The following PDE10A variants were observed in gnomAD, a reference collection of about 807,000 sequenced individuals.
PDE10A encodes phosphodiesterase 10A.
A neutral mutation model predicts 97.7 loss-of-function variants in PDE10A; 39 were observed. The ratio of observed to expected loss-of-function variants is 0.40; its 90% confidence interval spans 0.31 to 0.52. PDE10A has a LOEUF of 0.52. Ranked by LOEUF, PDE10A falls within the 20% of genes least tolerant of loss-of-function variation. The probability of loss-of-function intolerance (pLI) is 0.56; values close to 1 mark genes in which losing one functional copy is unlikely to be tolerated. For synonymous variants in PDE10A, 371 were observed against 376.8 expected (o/e 0.98, Z 0.18); for missense variants, 731 against 1,047.8 (o/e 0.70, Z 4.17).
chr6:165,760,188 G>T (rs886068984), intron 1 of PDE10A, among the ~76,000 whole-genome samples: 1 of 152,198 alleles, frequency 6.6e-6, no homozygotes, highest in African/African-American at 2.4e-5. Context: ...AGTTGATACA[G>T]CAAAAGTACA....
At chr6:165,657,211 A>G (rs1790010721) in intron 1 of PDE10A, among the ~76,000 whole-genome samples, 1 of 152,212 alleles carries the variant, frequency 6.6e-6, no homozygotes, top group South Asian at 2.1e-4. Context: ...TAAGTGAGCA[A>G]GATAATTTCA....
At chr6:165,458,850 A>G (rs1778122326) in intron 3 of PDE10A, among the ~76,000 whole-genome samples, 1 of 152,104 alleles carries the variant, frequency 6.6e-6, no homozygotes, top group Middle Eastern at 3.2e-3. Flanking sequence ...TTCTACAGCA[A>G]TATTAGCTAA....
intron 1 of PDE10A, among the ~76,000 whole-genome samples, chr6:165,598,075 T>C (rs571135350): frequency 6.6e-6 from 1 of 152,262 alleles, no homozygotes; most frequent in African/African-American, 2.4e-5. Context: ...CACTCACAAC[T>C]CTAATTTTAA....
intron 1 of PDE10A, among the ~76,000 whole-genome samples, chr6:165,623,264 T>C (rs1788231030): frequency 6.6e-6 from 1 of 152,158 alleles, no homozygotes; most frequent in African/African-American, 2.4e-5. Flanking sequence ...TAGCTGGGAT[T>C]ACAGGCACCG....
intron 20 of PDE10A, 151 bp from the exon 21 acceptor site, chr6:165,336,362 T>C: frequency 4.7e-6 from 3 of 639,070 alleles, no homozygotes; most frequent in Middle Eastern, 2.6e-4. Context: ...CTGGGTTCCA[T>C]GAATACTATT....
intron 20 of PDE10A, among the ~76,000 whole-genome samples, chr6:165,336,642 G>A (rs1036561642): frequency 4.6e-5 from 7 of 151,972 alleles, no homozygotes; most frequent in East Asian, 1.9e-4. Flanking sequence ...CCAGCTACTC[G>A]GGAGGCTGAG....
rs1790247947 is a variant in PDE10A at position 165,661,377 on chromosome 6, G to A, written c.865+570C>T. The A allele has an allele frequency of 6.6e-6, 1 of 152,320 alleles. No individual in the cohort carries two copies. The highest frequency in any genetic ancestry group is 2.4e-5 in the African/African-American group (1 of 41,434). The allele number at this position is 152,320 out of a possible 1,614,324, so 9.4% of individuals were successfully genotyped here. A position where few individuals can be genotyped will look rare whatever the true frequency, so the allele number is the denominator to read the frequency against. On this transcript the variant is annotated intron_variant, in intron 1 of 21. Transcript: ENST00000539869. This position sits in a 1 kb window ranked among gnomAD's most constrained non-coding sequence, Gnocchi z 4.8. ...TTCCACCCCGCCAGTCCATGCTCTG[G>A]ATGCCGGTCACTGCGCGGGGTGGGA...
chr6:165,364,690 A>C (rs1445853720), intron 18 of PDE10A, among the ~76,000 whole-genome samples: 1 of 152,070 alleles, frequency 6.6e-6, no homozygotes, highest in African/African-American at 2.4e-5. Context: ...TTGCTTTAAC[A>C]ATCATCTTTT....
chr6:165,718,629 T>C (rs1792086032), intron 1 of PDE10A, among the ~76,000 whole-genome samples: 1 of 152,004 alleles, frequency 6.6e-6, no homozygotes. Flanking sequence ...TGTGTGTATA[T>C]ACCCGAACCC....
intron 1 of PDE10A, among the ~76,000 whole-genome samples, chr6:165,927,107 T>C (rs1782961479): frequency 2.0e-5 from 3 of 152,126 alleles, no homozygotes; most frequent in African/African-American, 7.2e-5. Flanking sequence ...GGGATAGCAT[T>C]AGGAGAAATA....
At chr6:165,510,739 C>T (rs1718415863) in intron 2 of PDE10A, among the ~76,000 whole-genome samples, 2 of 151,990 alleles carry the variant, frequency 1.3e-5, no homozygotes. Flanking sequence ...CTATTTCTTC[C>T]TGATTCAATC....
chr6:165,963,720 C>T (rs1446627397), intron 1 of PDE10A, among the ~76,000 whole-genome samples: 1 of 152,266 alleles, frequency 6.6e-6, no homozygotes, highest in Non-Finnish European at 1.5e-5. Flanking sequence ...ACTCCTTCCT[C>T]TCTTGACCCC....
chr6:165,965,794 T>G (rs697467), intron 1 of PDE10A, among the ~76,000 whole-genome samples: 105,265 of 152,110 alleles, frequency 0.69, 36,768 homozygotes, highest in East Asian at 0.88. Context: ...CAAGGTAATA[T>G]GTAGCTGGGG....
intron 1 of PDE10A, among the ~76,000 whole-genome samples, chr6:165,962,372 C>T (rs562419184): frequency 1.3e-5 from 2 of 152,348 alleles, no homozygotes; most frequent in South Asian, 4.1e-4. Context: ...TCCAGCCTGG[C>T]TGCCTGATTG....
chr6:165,354,030 C>T (rs1280680376), intron 18 of PDE10A, among the ~76,000 whole-genome samples: 1 of 152,068 alleles, frequency 6.6e-6, no homozygotes, highest in Non-Finnish European at 1.5e-5. Context: ...TCTAAAATTG[C>T]TTTAAGAAAT....
At chr6:165,814,808 G>A in intron 1 of PDE10A, among the ~76,000 whole-genome samples, 1 of 151,982 alleles carries the variant, frequency 6.6e-6, no homozygotes, top group East Asian at 1.9e-4. Context: ...AATTCCCTGG[G>A]TTCTCGAGAC....
intron 1 of PDE10A, among the ~76,000 whole-genome samples, chr6:165,678,609 A>G (rs930780295): frequency 6.6e-5 from 10 of 151,700 alleles, no homozygotes; most frequent in Admixed American, 3.9e-4. Context: ...CCCTCCTTCC[A>G]CTTCCCATGC....
At chr6:165,741,586 C>T (rs1034069742) in intron 1 of PDE10A, among the ~76,000 whole-genome samples, 2 of 152,118 alleles carry the variant, frequency 1.3e-5, no homozygotes, top group Non-Finnish European at 2.9e-5. Flanking sequence ...CAACGTTCTA[C>T]TCCATGAATG....
chr6:165,768,221 T>C (rs1777916692), intron 1 of PDE10A, among the ~76,000 whole-genome samples: 1 of 152,234 alleles, frequency 6.6e-6, no homozygotes, highest in Admixed American at 6.5e-5. Context: ...GCAAGTATTT[T>C]CTCCCATCCC....
Sources: gnomAD v4.1 joint callset for allele counts (sites outside exome capture counted in the v4.1 genomes callset) on GRCh38, gnomAD v4.1.1 for gene constraint, Gnocchi (gnomAD v3.1) non-coding constraint, MANE v1.5 for transcripts, NCBI Gene and HGNC (gene_info 2026-07-23, HGNC 2026-07-21) for gene names.